The following RPL36 variants were observed in gnomAD, a reference collection of about 807,000 sequenced individuals.
The protein encoded by RPL36 is ribosomal protein L36, also known as large ribosomal subunit protein eL36.
For synonymous variants in RPL36, 74 were observed against 56.0 expected (o/e 1.32, Z -1.44); for missense variants, 131 against 144.9 (o/e 0.90, Z 0.49).
intron 2 of RPL36, 33 bp from the exon 3 acceptor site, chr19:5,691,286 C>T (rs199852767): frequency 2.5e-5 from 40 of 1,612,102 alleles, no homozygotes; most frequent in Non-Finnish European, 3.1e-5. Context: ...GCAGGGATCC[C>T]CCTACCCTGA....
In RPL36 at chr19:5,690,529, G is replaced by A; in HGVS notation, c.22G>A (p.Ala8Thr). 2 of 1,563,912 alleles carry A rather than the reference G, an allele frequency of 1.3e-6. No individual in the cohort carries two copies. Among genetic ancestry groups the A allele is most frequent in the Non-Finnish European group, 8.7e-7 (1 of 1,154,710 alleles). The change falls in exon 2 of 4, where the codon GCC (alanine) becomes ACC (threonine). Residue 8 changes from alanine (A) to threonine (T), a missense_variant. Physicochemically the swap from Ala to Thr is moderately conservative, Grantham distance 58 (BLOSUM62 0). Coordinates refer to ENST00000347512, the MANE Select transcript of RPL36 (RefSeq NM_033643.3). MALRYPM[A>T]VGLNKGHKVT... ...AGCCATGGCCCTACGCTACCCTATG[G>A]CCGTGGGCCTCAACAAGGGCCACAA...
At position 5,691,496 on chromosome 19, in the gene RPL36, T is replaced by C. The variant is rs200376677; in HGVS notation, c.229-36T>C. ...GCCGAGGGGCGGGGTGGGATGGGAG[T>C]CAGGGCCGGGCTGACGGCGGCCTCG... is the stretch of plus-strand genomic sequence containing the variant. On this transcript the variant is annotated intron_variant, in intron 3 of 3. Transcript: ENST00000347512. The C allele has an allele frequency of 9.3e-6, 15 of 1,606,850 alleles. No individual in the cohort carries two copies. In the East Asian group the frequency reaches 3.3e-4, roughly 36 times the overall value.
chr19:5,690,868 C>G, intron 2 of RPL36: 2 of 570,834 alleles, frequency 3.5e-6, no homozygotes, highest in Non-Finnish European at 6.3e-6. Flanking sequence ...GGGGTTCTGA[C>G]GCAGGAGTAG....
At position 5,690,344 on chromosome 19, in the gene RPL36, A is replaced by T; in HGVS notation, c.-3+17A>T. 1.5e-6 allele frequency: 1 copy of T among 674,602 alleles called. No homozygotes were observed. Among genetic ancestry groups the T allele is most frequent in the Admixed American group, 2.1e-5 (1 of 47,110 alleles). 41.8% of individuals were successfully genotyped at this position (674,602 alleles called of 1,614,324 possible). On this transcript the variant is annotated intron_variant, in intron 1 of 3. Transcript: ENST00000347512. ...GAGCAGCAGGTAAGTGGTTTCCCGCACTGCCGGTATCCGCCGCCATCCGGA... is the reference window on the plus strand; with the variant it reads ...GAGCAGCAGGTAAGTGGTTTCCCGCTCTGCCGGTATCCGCCGCCATCCGGA...
In RPL36 at chr19:5,691,292, C is replaced by A. The variant is rs376844638; in HGVS notation, c.94-27C>A. 25 of 1,612,086 alleles carry A rather than the reference C, an allele frequency of 1.6e-5. No homozygotes were observed. In the African/African-American group the frequency reaches 2.1e-4, roughly 14 times the overall value. ...AACTAGAATGCAGGGATCCCCCTAC[C>A]CTGACGGCCGCCCCTTTCCCCCCTA... is the stretch of plus-strand genomic sequence containing the variant. On this transcript the variant is annotated intron_variant, in intron 2 of 3. Coordinates refer to ENST00000347512, the MANE Select transcript of RPL36 (RefSeq NM_033643.3).
rs754016897 is a variant in RPL36 at position 5,691,670 on chromosome 19, C to T, written c.*49C>T. On this transcript the variant is annotated 3_prime_UTR_variant, in exon 4 of 4. Transcript: ENST00000347512. ...AAATAAAGAACAGCTTGACAGAAGC[C>T]CTGGCTCTCCTGCTGTCCGTGGGTG... 5 of 1,533,556 alleles carry T rather than the reference C, an allele frequency of 3.3e-6. No homozygotes were observed. Among genetic ancestry groups the T allele is most frequent in the African/African-American group, 1.4e-5 (1 of 73,254 alleles). The allele number at this position is 1,533,556 out of a possible 1,614,324, so 95.0% of individuals were successfully genotyped here.
intron 1 of RPL36, 51 bp downstream of exon 1, chr19:5,690,378 T>G (rs2086848510): frequency 2.7e-6 from 2 of 739,966 alleles, no homozygotes; most frequent in Non-Finnish European, 4.8e-6. Flanking sequence ...GACTCCCGGG[T>G]CCTCTGTGCA....
Position 5,691,622 on chromosome 19 carries a change from GCCCCTCCCCTGC to G in RPL36, c.*4_*15del. 6.2e-7 allele frequency: 1 copy of G among 1,605,928 alleles called. No individual in the cohort carries two copies. Among genetic ancestry groups the G allele is most frequent in the Non-Finnish European group, 8.5e-7 (1 of 1,177,448 alleles). On this transcript the variant is annotated 3_prime_UTR_variant, in exon 4 of 4. Transcript: ENST00000347512. ...GAAAGCTGCTGCCAAGAAAGACTGA[GCCCCTCCCCTGC>G]CCTCTCCCTGAAATAAAGAACAGCT...
In RPL36 at chr19:5,691,790, T is replaced by TGGCC. The variant is rs1301225832; in HGVS notation, c.*170_*173dup. ...CTGCCTGGTCGTGAATCAAAAGCCG[T>TGGCC]GGCCCGCCCACCCTTCCCGGGGCAG... is the stretch of plus-strand genomic sequence containing the variant. On this transcript the variant is annotated 3_prime_UTR_variant, in exon 4 of 4. Coordinates refer to ENST00000347512, the MANE Select transcript of RPL36 (RefSeq NM_033643.3). 2.2e-6 allele frequency: 2 copies of TGGCC among 890,236 alleles called. No individual in the cohort carries two copies. The highest frequency in any genetic ancestry group is 1.7e-6 in the Non-Finnish European group (1 of 573,776). The allele number at this position is 890,236 out of a possible 1,614,324, so 55.1% of individuals were successfully genotyped here. A position where few individuals can be genotyped will look rare whatever the true frequency, so the allele number is the denominator to read the frequency against.
chr19:5,691,213 C>T, intron 2 of RPL36, 106 bp from the exon 3 acceptor site: 1 of 1,543,352 alleles, frequency 6.5e-7, no homozygotes, highest in Non-Finnish European at 8.9e-7. Flanking sequence ...CACAGCTACC[C>T]ACAGAGGGGA....
At chr19:5,690,629 C>T in intron 2 of RPL36, 29 bp downstream of exon 2, 2 of 1,533,086 alleles carry the variant, frequency 1.3e-6, no homozygotes, top group Non-Finnish European at 1.8e-6. Flanking sequence ...CGGAGGTTGT[C>T]GGGGGTTTCT....
chr19:5,691,452 G>C lies in RPL36; in HGVS notation c.227G>C (p.Arg76Thr). The change falls in exon 3 of 4, where the codon AGG (arginine) becomes ACG (threonine). Residue 76 changes from arginine (R) to threonine (T), a missense_variant and splice_region_variant. By Grantham distance (71) the Arg-to-Thr change is moderately conservative. Coordinates refer to ENST00000347512, the MANE Select transcript of RPL36 (RefSeq NM_033643.3). Reference sequence around the variant, plus strand: ...CGGGCCCTCAAATTTATCAAGAAAAGGGTAGGTGGGCGCTGCCGGCCGAGG... The same window carrying C: ...CGGGCCCTCAAATTTATCAAGAAAACGGTAGGTGGGCGCTGCCGGCCGAGG... ...DKRALKFIKK[R>T]VGTHIRAKRK... is the part of the protein sequence containing the mutation. 6.2e-7 allele frequency: 1 copy of C among 1,613,260 alleles called. No homozygotes were observed. The highest frequency in any genetic ancestry group is 8.5e-7 in the Non-Finnish European group (1 of 1,179,424).
At position 5,691,362 on chromosome 19, in the gene RPL36, A is replaced by C; in HGVS notation, c.137A>C (p.Glu46Ala). The change falls in exon 3 of 4, where the codon GAG becomes GCG. Residue 46 changes from glutamate to alanine, a missense_variant. Coordinates refer to ENST00000347512, the MANE Select transcript of RPL36 (RefSeq NM_033643.3). Reference protein sequence around the residue: ...HTKFVRDMIREVCGFAPYERR... With the variant: ...HTKFVRDMIRAVCGFAPYERR... ...AAGTTCGTGCGGGACATGATTCGGG[A>C]GGTGTGTGGCTTTGCCCCGTACGAG... 6.2e-7 allele frequency: 1 copy of C among 1,613,392 alleles called. No individual in the cohort carries two copies. The highest frequency in any genetic ancestry group is 8.5e-7 in the Non-Finnish European group (1 of 1,179,994).
intron 2 of RPL36, 150 bp from the exon 3 acceptor site, chr19:5,691,169 G>A: frequency 8.8e-7 from 1 of 1,140,584 alleles, no homozygotes; most frequent in South Asian, 1.4e-5. Flanking sequence ...CTCCGGGCGC[G>A]GCGAAAAGCG....
At position 5,691,802 on chromosome 19, in the gene RPL36, C is replaced by T. The variant is rs2145572003; in HGVS notation, c.*181C>T. The T allele has an allele frequency of 2.4e-6, 2 of 846,492 alleles. No homozygotes were observed. The highest frequency in any genetic ancestry group is 3.5e-4 in the Middle Eastern group (1 of 2,838). 52.4% of individuals were successfully genotyped at this position (846,492 alleles called of 1,614,324 possible). On this transcript the variant is annotated 3_prime_UTR_variant, in exon 4 of 4. Transcript: ENST00000347512. The stretch of plus-strand genomic sequence containing the variant: ...GAATCAAAAGCCGTGGCCCGCCCAC[C>T]CTTCCCGGGGCAGCAGGTGAGGAAG...
Position 5,690,596 on chromosome 19 carries a change from G to A in RPL36, c.89G>A (p.Arg30His). The A allele has an allele frequency of 6.4e-7, 1 of 1,564,468 alleles. No homozygotes were observed. Among genetic ancestry groups the A allele is most frequent in the South Asian group, 1.2e-5 (1 of 84,990 alleles). ...AGCAAGCCCAGGCACAGCCGACGCC[G>A]CGGGGTGAGTGCGGGTGCCGCGCGG... ...NVSKPRHSRR[R>H]GRLTKHTKFV... The change falls in exon 2 of 4, where the codon CGC becomes CAC. Residue 30 changes from arginine (R) to histidine (H), a missense_variant. By Grantham distance (29) the Arg-to-His change is conservative. Coordinates refer to ENST00000347512, the MANE Select transcript of RPL36 (RefSeq NM_033643.3).
In RPL36 at chr19:5,690,563, A is replaced by G; in HGVS notation, c.56A>G (p.Lys19Arg). The part of the protein sequence containing the change: ...VGLNKGHKVT[K>R]NVSKPRHSRR... ...CTCAACAAGGGCCACAAAGTGACCAAGAACGTGAGCAAGCCCAGGCACAGC... is the reference window on the plus strand; with the variant it reads ...CTCAACAAGGGCCACAAAGTGACCAGGAACGTGAGCAAGCCCAGGCACAGC... Residue 19 changes from lysine (K) to arginine (R), a missense_variant, in exon 2 of 4, where the codon AAG becomes AGG. Transcript: ENST00000347512. The G allele has an allele frequency of 6.4e-7, 1 of 1,572,066 alleles. No homozygotes were observed. Among genetic ancestry groups the G allele is most frequent in the Non-Finnish European group, 8.6e-7 (1 of 1,159,480 alleles).
chr19:5,691,702 G>C lies in RPL36; in HGVS notation c.*81G>C. The C allele has an allele frequency of 7.2e-7, 1 of 1,393,268 alleles. No homozygotes were observed. The highest frequency in any genetic ancestry group is 2.5e-5 in the East Asian group (1 of 40,316). The allele number at this position is 1,393,268 out of a possible 1,614,324, so 86.3% of individuals were successfully genotyped here. A position where few individuals can be genotyped will look rare whatever the true frequency, so the allele number is the denominator to read the frequency against. On this transcript the variant is annotated 3_prime_UTR_variant, in exon 4 of 4. Transcript: ENST00000347512. ...CTCCTGCTGTCCGTGGGTGGGTGTG[G>C]GTGTGTCGGGGGCCCGCAGTCCCCT...
In RPL36 at chr19:5,691,404, T is replaced by C; in HGVS notation, c.179T>C (p.Leu60Ser). 1 of 1,614,004 alleles carries C rather than the reference T, an allele frequency of 6.2e-7. No homozygotes were observed. The highest frequency in any genetic ancestry group is 8.5e-7 in the Non-Finnish European group (1 of 1,180,024). The change falls in exon 3 of 4, where the codon TTA (leucine) becomes TCA (serine). Residue 60 changes from leucine to serine, a missense_variant. By Grantham distance (145) the Leu-to-Ser change is moderately radical. Coordinates refer to ENST00000347512, the MANE Select transcript of RPL36 (RefSeq NM_033643.3). ...CCGTACGAGCGGCGCGCCATGGAGT[T>C]ACTGAAGGTCTCCAAGGACAAACGG... ...FAPYERRAME[L>S]LKVSKDKRAL...
Sources: allele counts gnomAD v4.1 joint callset, GRCh38; gene constraint gnomAD v4.1.1; transcripts MANE v1.5; gene names NCBI Gene and HGNC (gene_info 2026-07-23, HGNC 2026-07-21).